The following TMEM132C variants were observed in gnomAD, a reference collection of about 807,000 sequenced individuals.
TMEM132C encodes the protein protein phosphatase 1, regulatory subunit 152.
TMEM132C carries 29 observed loss-of-function variants against 61.4 expected under a neutral mutation model. The ratio of observed to expected loss-of-function variants is 0.47; its 90% CI spans 0.35 to 0.64. TMEM132C has a LOEUF of 0.64. Ranked by LOEUF, TMEM132C falls within the 30% of genes least tolerant of loss-of-function variation. The pLI, the probability that TMEM132C is intolerant of heterozygous loss-of-function variation, is 0.00. For synonymous variants in TMEM132C, 656 were observed against 633.1 expected, an observed-to-expected ratio of 1.04 and a Z score of -0.54; for missense variants, 1,408 against 1,476.9, an observed-to-expected ratio of 0.95 and a Z score of 0.76.
At chr12:128,393,256 G>T (rs1160920959) in intron 1 of TMEM132C, among the ~76,000 whole-genome samples, 2 of 152,150 alleles carry the variant, frequency 1.3e-5, no homozygotes, top group Non-Finnish European at 2.9e-5. Flanking sequence ...ATCCAGGGCC[G>T]TCAAATGTAC....
chr12:128,684,967 G>A (rs544497741), intron 5 of TMEM132C, among the ~76,000 whole-genome samples: 44 of 152,254 alleles, frequency 2.9e-4, no homozygotes, highest in Non-Finnish European at 5.0e-4. Context: ...AACAGGTACC[G>A]GCAACGAGAG....
Position 128,414,204 on chromosome 12 carries a change from T to G in TMEM132C, c.86-528T>G, listed in dbSNP as rs551789692. Among the ~76,000 whole-genome samples, 10 of 152,042 alleles carry G rather than the reference T, an allele frequency of 6.6e-5. No individual in the cohort carries two copies. The South Asian group carries it at 2.1e-3, about 32-fold the overall frequency. On this transcript the variant is annotated intron_variant, in intron 1 of 8. Transcript: ENST00000435159. ...GAGTTCAAGACCAGACTGGGCAAAA[T>G]AGTGAGACCCCATCTCTATTAAAAA...
At chr12:128,454,948 G>A (rs924623064) in intron 2 of TMEM132C, among the ~76,000 whole-genome samples, 9 of 152,340 alleles carry the variant, frequency 5.9e-5, no homozygotes, top group African/African-American at 1.9e-4. Flanking sequence ...GAGAGGCATA[G>A]AGCAGGTGGG....
chr12:128,363,777 G>A lies in TMEM132C; in HGVS notation c.86-50955G>A, dbSNP rs117711070. 4.8e-3 allele frequency among the ~76,000 whole-genome samples: 735 copies of A among 151,554 alleles called. 26 individuals are homozygous for A. In the East Asian group the frequency reaches 0.078, roughly 16 times the overall value. On this transcript the variant is annotated intron_variant, in intron 1 of 8. Coordinates refer to ENST00000435159, the MANE Select transcript of TMEM132C (RefSeq NM_001136103.3). ...AGAAAATAACTCGAACCCAGAAGGC[G>A]GAGGGTGCAGTGAGCCGAGATCACA... is the stretch of plus-strand genomic sequence containing the variant.
intron 2 of TMEM132C, among the ~76,000 whole-genome samples, chr12:128,530,522 C>CA (rs1375732154): frequency 1.3e-5 from 2 of 152,078 alleles, no homozygotes; most frequent in African/African-American, 4.8e-5. Flanking sequence ...CGGCTCACTG[C>CA]AGCCTCTGCC....
chr12:128,605,033 G>T (rs1039403216), intron 3 of TMEM132C, among the ~76,000 whole-genome samples: 1 of 150,754 alleles, frequency 6.6e-6, no homozygotes, highest in African/African-American at 2.4e-5. Flanking sequence ...ATGGATGGAT[G>T]GATGGATGGA....
chr12:128,280,024 G>A (rs898436450), intron 1 of TMEM132C, among the ~76,000 whole-genome samples: 1 of 152,142 alleles, frequency 6.6e-6, no homozygotes, highest in Non-Finnish European at 1.5e-5. Flanking sequence ...TCTGTCTTCG[G>A]CTTCTCATAT....
chr12:128,425,468 A>G (rs1869148441), intron 2 of TMEM132C, among the ~76,000 whole-genome samples: 1 of 152,228 alleles, frequency 6.6e-6, no homozygotes, highest in South Asian at 2.1e-4. Flanking sequence ...TCGCTTCTCG[A>G]CCACCACTGC....
intron 2 of TMEM132C, among the ~76,000 whole-genome samples, chr12:128,471,632 C>T (rs565580227): frequency 1.5e-4 from 23 of 152,220 alleles, no homozygotes; most frequent in Admixed American, 9.8e-4. Flanking sequence ...GTGCACAGAT[C>T]CTGGGGTGAG....
At position 128,706,611 on chromosome 12, in the gene TMEM132C, ATT is replaced by A; in HGVS notation, c.*317_*318del. 4.2e-6 allele frequency: 1 copy of A among 235,408 alleles called. No homozygotes were observed. Among genetic ancestry groups the A allele is most frequent in the East Asian group, 8.5e-5 (1 of 11,820 alleles). The allele number at this position is 235,408 out of a possible 1,614,324, so 14.6% of individuals were successfully genotyped here. On this transcript the variant is annotated 3_prime_UTR_variant, in exon 9 of 9. Transcript: ENST00000435159. Reference sequence around the variant, plus strand: ...ACATACTACAGACAAGCTACCAAAAATTATTTGTTAAAAAATGCAACAAGACA... The same window carrying A: ...ACATACTACAGACAAGCTACCAAAAAATTTGTTAAAAAATGCAACAAGACA...
intron 1 of TMEM132C, among the ~76,000 whole-genome samples, chr12:128,388,725 C>T (rs1215027660): frequency 6.6e-6 from 1 of 152,256 alleles, no homozygotes; most frequent in Non-Finnish European, 1.5e-5. Flanking sequence ...GAGGCTTGGG[C>T]CGTGTGCTCT....
At chr12:128,309,440 G>A (rs549623456) in intron 1 of TMEM132C, among the ~76,000 whole-genome samples, 4 of 152,230 alleles carry the variant, frequency 2.6e-5, no homozygotes, top group Non-Finnish European at 2.9e-5. Flanking sequence ...GGTATTCAGC[G>A]CATTCACAAT....
intron 1 of TMEM132C, among the ~76,000 whole-genome samples, chr12:128,283,793 C>T (rs1347207901): frequency 6.6e-6 from 1 of 152,114 alleles, no homozygotes; most frequent in Non-Finnish European, 1.5e-5. Context: ...TTTCCCCTGC[C>T]TTCCCCATCT....
chr12:128,364,020 A>C (rs985431888), intron 1 of TMEM132C, among the ~76,000 whole-genome samples: 1 of 152,102 alleles, frequency 6.6e-6, no homozygotes, highest in Non-Finnish European at 1.5e-5. Flanking sequence ...AGGAGGGGAC[A>C]TCAAACTCTG....
At chr12:128,663,955 C>CAGAT (rs1555241289) in intron 4 of TMEM132C, among the ~76,000 whole-genome samples, 1 of 93,722 alleles carries the variant, frequency 1.1e-5, no homozygotes, top group African/African-American at 4.0e-5. Flanking sequence ...CAGGCACACA[C>CAGAT]ACATACAGGC....
chr12:128,674,776 C>G (rs892648141), intron 5 of TMEM132C, among the ~76,000 whole-genome samples: 1 of 152,130 alleles, frequency 6.6e-6, no homozygotes, highest in Non-Finnish European at 1.5e-5. Flanking sequence ...GCAACCATCA[C>G]CCGAGCAGTA....
intron 2 of TMEM132C, among the ~76,000 whole-genome samples, chr12:128,504,340 T>C (rs1872281448): frequency 6.6e-6 from 1 of 152,202 alleles, no homozygotes; most frequent in African/African-American, 2.4e-5. Flanking sequence ...GGAACACACA[T>C]TCCAGCTATC....
At chr12:128,409,452 G>A (rs1444882355) in intron 1 of TMEM132C, among the ~76,000 whole-genome samples, 3 of 152,282 alleles carry the variant, frequency 2.0e-5, no homozygotes, top group Non-Finnish European at 4.4e-5. Context: ...TAGGATGACA[G>A]CAACACTGGG....
chr12:128,338,777 T>TATATATATATATATATATATATATA (rs1565905368), intron 1 of TMEM132C, among the ~76,000 whole-genome samples: 16 of 149,146 alleles, frequency 1.1e-4, no homozygotes, highest in African/African-American at 3.6e-4. Flanking sequence ...TATATATATA[T>TATATATATATATATATATATATATA]TTTGCACAAA....
Sources: allele counts gnomAD v4.1 joint callset (sites outside exome capture counted in the v4.1 genomes callset), GRCh38; gene constraint gnomAD v4.1.1; transcripts MANE v1.5; gene names NCBI Gene and HGNC (gene_info 2026-07-23, HGNC 2026-07-21).